DNAH6: variants seen among roughly 807,000 people sequenced by gnomAD.
DNAH6 encodes dynein axonemal heavy chain 6.
A neutral mutation model predicts 491.4 loss-of-function variants in DNAH6; 340 were observed. The observed-to-expected ratio is 0.69, with a 90% CI of 0.63 to 0.76. The LOEUF (loss-of-function observed/expected upper bound fraction) is 0.76. Among genes scored for constraint, DNAH6 ranks in the 30% least tolerant of loss-of-function variants. DNAH6 has a pLI of 0.00. For missense variants in DNAH6, 4,443 were observed against 4,972.2 expected, an observed-to-expected ratio of 0.89 and a Z score of 3.20; for synonymous variants, 1,603 against 1,686.1, an observed-to-expected ratio of 0.95 and a Z score of 1.21.
rs1685838041 is a variant in DNAH6, at chr2:84,607,032, T to C, written c.3231T>C (p.Leu1077=). Residue 1077 remains leucine (L), a synonymous_variant, in exon 21 of 77, where the codon CTT becomes CTC. Coordinates refer to ENST00000389394, the MANE Select transcript of DNAH6 (RefSeq NM_001370.2). ...NVATLASSRY[L]GPLKTRVDEW... ...CAACTCTTGCCTCATCACGTTACCT[T>C]GGTCCACTGAAAACTCGAGTGGATG... 1 of 1,551,516 alleles carries C rather than the reference T, an allele frequency of 6.4e-7. No homozygotes were observed. Among genetic ancestry groups the C allele is most frequent in the Non-Finnish European group, 8.7e-7 (1 of 1,146,816 alleles).
chr2:84,493,205 C>G, the DNAH6 span, among the ~76,000 whole-genome samples: 1 of 152,100 alleles, frequency 6.6e-6, no homozygotes, highest in South Asian at 2.1e-4. Flanking sequence ...AATCCCTGCT[C>G]TGTGCTATAT....
At chr2:84,561,235 A>G (rs1267017227) in intron 11 of DNAH6, among the ~76,000 whole-genome samples, 4 of 152,190 alleles carry the variant, frequency 2.6e-5, no homozygotes, top group Non-Finnish European at 5.9e-5. Flanking sequence ...ATAACGCCGC[A>G]TATCTTCAAC....
In DNAH6 at chr2:84,709,465, C is replaced by T. The variant is rs1696830375; in HGVS notation, c.9171C>T (p.Pro3057=). ...GGCAGTGGAACACTGATGGGCTGCCCCGTGACTTGATATCAACAGAAAATG... is the reference window on the plus strand; with the variant it reads ...GGCAGTGGAACACTGATGGGCTGCCTCGTGACTTGATATCAACAGAAAATG... ...EIRQWNTDGL[P]RDLISTENGI... The change falls in exon 55 of 77, where the codon CCC becomes CCT. Residue 3057 remains proline, a synonymous_variant. Coordinates refer to ENST00000389394, the MANE Select transcript of DNAH6 (RefSeq NM_001370.2). 6.4e-7 allele frequency: 1 copy of T among 1,551,558 alleles called. No individual in the cohort carries two copies. Among genetic ancestry groups the T allele is most frequent in the Non-Finnish European group, 8.7e-7 (1 of 1,146,996 alleles).
intron 58 of DNAH6, among the ~76,000 whole-genome samples, chr2:84,716,652 C>A (rs1198274483): frequency 6.6e-6 from 1 of 152,186 alleles, no homozygotes; most frequent in African/African-American, 2.4e-5. Context: ...AAGGACTTGG[C>A]TGAACACTTT....
chr2:84,785,560 C>T (rs772677800), intron 66 of DNAH6, 50 bp from the exon 67 acceptor site: 29 of 1,449,926 alleles, frequency 2.0e-5, no homozygotes, highest in Non-Finnish European at 2.4e-5. Context: ...AGAAATAATG[C>T]AAATCTATAA....
At chr2:84,573,367 A>G in intron 11 of DNAH6, 100 bp from the exon 12 acceptor site, 1 of 962,402 alleles carries the variant, frequency 1.0e-6, no homozygotes, top group South Asian at 1.7e-5. Context: ...TATTGGGCAT[A>G]GAGTTTGTGT....
intron 11 of DNAH6, among the ~76,000 whole-genome samples, chr2:84,559,043 A>G (rs1558713589): frequency 6.6e-6 from 1 of 152,186 alleles, no homozygotes; most frequent in South Asian, 2.1e-4. Context: ...TTTCATATCA[A>G]CATATGATTG....
chr2:84,601,994 C>T (rs72941059), intron 18 of DNAH6, among the ~76,000 whole-genome samples: 6,172 of 151,878 alleles, frequency 0.041, 406 homozygotes, highest in African/African-American at 0.14. Context: ...CTGTAAAGAC[C>T]TTATAATAGT....
chr2:84,541,634 A>C (rs1156392512), intron 4 of DNAH6, among the ~76,000 whole-genome samples: 1 of 152,174 alleles, frequency 6.6e-6, no homozygotes, highest in African/African-American at 2.4e-5. Flanking sequence ...GAAACCAAAA[A>C]ACTAGGGAGA....
At chr2:84,688,656 A>C in intron 45 of DNAH6, 63 bp downstream of exon 45, 1 of 1,371,454 alleles carries the variant, frequency 7.3e-7, no homozygotes, top group South Asian at 1.5e-5. Flanking sequence ...AAAGGGTAAA[A>C]AAATAAGTTG....
the DNAH6 span, among the ~76,000 whole-genome samples, chr2:84,498,619 G>A: frequency 6.6e-6 from 1 of 152,078 alleles, no homozygotes; most frequent in Non-Finnish European, 1.5e-5. Context: ...ACAGTGAGCA[G>A]AATTCAAAAG....
At chr2:84,505,475 G>C in the DNAH6 span, among the ~76,000 whole-genome samples, 4 of 152,130 alleles carry the variant, frequency 2.6e-5, no homozygotes, top group Non-Finnish European at 4.4e-5. Flanking sequence ...TATGATGTTA[G>C]CTATGGGTTT....
the DNAH6 span, among the ~76,000 whole-genome samples, chr2:84,496,160 C>G: frequency 2.0e-5 from 3 of 152,192 alleles, no homozygotes; most frequent in Non-Finnish European, 4.4e-5. Flanking sequence ...GATGTCATTT[C>G]TTTTTATCAA....
chr2:84,645,286 G>A (rs1442391090), intron 33 of DNAH6, among the ~76,000 whole-genome samples: 1 of 152,116 alleles, frequency 6.6e-6, no homozygotes, highest in Non-Finnish European at 1.5e-5. Flanking sequence ...GGGCATGGTG[G>A]CACATGCCTG....
rs1231203152 is a variant in DNAH6, at chr2:84,557,858, A to T, written c.1726A>T (p.Thr576Ser). The T allele has an allele frequency of 1.2e-6, 2 of 1,612,888 alleles. No individual in the cohort carries two copies. Among genetic ancestry groups the T allele is most frequent in the South Asian group, 1.1e-5 (1 of 91,028 alleles). The change falls in exon 11 of 77, where the codon ACC becomes TCC. Residue 576 changes from threonine to serine, a missense_variant. Coordinates refer to ENST00000389394, the MANE Select transcript of DNAH6 (RefSeq NM_001370.2). ...TATTAACAACAAACTTGAAGGAAAA[A>T]CCTGTGGAACTGGGCCAAGTTTAGC... is the stretch of plus-strand genomic sequence containing the variant. ...PYINNKLEGKTCGTGPSLAAV... is the reference protein window; with the variant it reads ...PYINNKLEGKSCGTGPSLAAV...
rs1235029765 is a variant in DNAH6, at chr2:84,805,709, G to C, written c.11526G>C (p.Gln3842His). 6.4e-7 allele frequency: 1 copy of C among 1,551,738 alleles called. No individual in the cohort carries two copies. Among genetic ancestry groups the C allele is most frequent in the East Asian group, 2.4e-5 (1 of 40,902 alleles). The change falls in exon 71 of 77, where the codon CAG becomes CAC. Residue 3842 changes from glutamine to histidine, a missense_variant. Physicochemically the swap from Gln to His is conservative, Grantham distance 24. This residue lies in a region of DNAH6 where 1,463 missense variants were observed against 1,656.6 expected (regional missense o/e 0.88). Transcript: ENST00000389394. ...TAATCAACACCATACTTGAGGTTCA[G>C]CCAAGGTCATCTACTGGTGGAGAGG... ...STLINTILEVQPRSSTGGEGK... is the reference protein window; with the variant it reads ...STLINTILEVHPRSSTGGEGK...
intron 33 of DNAH6, among the ~76,000 whole-genome samples, chr2:84,644,170 G>A (rs1466904216): frequency 5.3e-5 from 8 of 152,102 alleles, no homozygotes; most frequent in Non-Finnish European, 1.2e-4. Flanking sequence ...GGTGGTACAG[G>A]GTGGCTACAG....
chr2:84,561,315 T>C (rs1370608239), intron 11 of DNAH6, among the ~76,000 whole-genome samples: 2 of 152,132 alleles, frequency 1.3e-5, no homozygotes, highest in Non-Finnish European at 2.9e-5. Flanking sequence ...TAAATGGTGC[T>C]GGGAAAACTG....
At chr2:84,715,730 A>G (rs1410892670) in intron 58 of DNAH6, 103 bp downstream of exon 58, 6 of 1,093,674 alleles carry the variant, frequency 5.5e-6, no homozygotes, top group Non-Finnish European at 6.7e-6. Flanking sequence ...GTGTAAGAGC[A>G]CTACACATGA....
Sources: gnomAD v4.1 joint callset for allele counts (sites outside exome capture counted in the v4.1 genomes callset) on GRCh38, gnomAD v4.1.1 for gene constraint, gnomAD v4.1.1 regional missense constraint, MANE v1.5 for transcripts, NCBI Gene and HGNC (gene_info 2026-07-23, HGNC 2026-07-21) for gene names.